AUTS2: variants seen among roughly 807,000 people sequenced by gnomAD.
The protein encoded by AUTS2 is activator of transcription and developmental regulator AUTS2, also known as autism susceptibility gene 2 protein.
AUTS2 carries 17 observed loss-of-function variants against 112.4 expected under a neutral mutation model. The observed-to-expected ratio is 0.15, with a 90% CI of 0.10 to 0.23. The LOEUF (loss-of-function observed/expected upper bound fraction) is 0.23, where lower values mean the gene tolerates loss of function less well. Ranked by LOEUF, AUTS2 falls within the 10% of genes least tolerant of loss-of-function variation. The pLI, the probability that AUTS2 is intolerant of heterozygous loss-of-function variation, is 1.00. For missense variants in AUTS2, 1,510 were observed against 1,701.6 expected, an observed-to-expected ratio of 0.89 and a Z score of 1.98; for synonymous variants, 751 against 702.7, an observed-to-expected ratio of 1.07 and a Z score of -1.09.
intron 5 of AUTS2, among the ~76,000 whole-genome samples, chr7:70,668,084 G>T (rs1807439762): frequency 6.6e-6 from 1 of 152,190 alleles, no homozygotes; most frequent in Admixed American, 6.5e-5. Flanking sequence ...CGTCCAAGTG[G>T]TTGTCCTGCC....
intron 1 of AUTS2, among the ~76,000 whole-genome samples, chr7:69,789,830 C>A (rs1034866084): frequency 1.5e-4 from 23 of 152,200 alleles, no homozygotes; most frequent in African/African-American, 5.5e-4. Context: ...TCTCTAGTTC[C>A]CTTCTGGAAG....
At chr7:69,830,795 C>G (rs1480172071) in intron 1 of AUTS2, among the ~76,000 whole-genome samples, 1 of 152,148 alleles carries the variant, frequency 6.6e-6, no homozygotes, top group Non-Finnish European at 1.5e-5. Context: ...AGCTCATAAA[C>G]AAAAGTACTA....
intron 1 of AUTS2, among the ~76,000 whole-genome samples, chr7:69,876,183 G>A (rs899578381): frequency 1.0e-4 from 15 of 150,322 alleles, no homozygotes; most frequent in African/African-American, 3.4e-4. Flanking sequence ...TAACGAACAC[G>A]GTGAAACCCC....
intron 5 of AUTS2, among the ~76,000 whole-genome samples, chr7:70,610,143 C>A (rs777036649): frequency 6.6e-5 from 10 of 152,076 alleles, no homozygotes; most frequent in Non-Finnish European, 1.5e-4. Flanking sequence ...GGATTACAGG[C>A]ATGTGCCACT....
At chr7:69,720,322 A>G (rs1279070757) in intron 1 of AUTS2, among the ~76,000 whole-genome samples, 1 of 152,200 alleles carries the variant, frequency 6.6e-6, no homozygotes, top group Admixed American at 6.5e-5. Context: ...ATAGGCTTTC[A>G]AATTGGTGGT....
chr7:70,468,815 C>T (rs899671009), intron 5 of AUTS2, among the ~76,000 whole-genome samples: 1 of 151,708 alleles, frequency 6.6e-6, no homozygotes, highest in Non-Finnish European at 1.5e-5. Flanking sequence ...AGGCAGTTAC[C>T]AAAAGTGGAA....
chr7:69,832,032 C>T (rs1329551247), intron 1 of AUTS2, among the ~76,000 whole-genome samples: 2 of 152,106 alleles, frequency 1.3e-5, no homozygotes, highest in Admixed American at 6.6e-5. Flanking sequence ...TCAAAATATC[C>T]TTTGAACCTA....
intron 6 of AUTS2, among the ~76,000 whole-genome samples, chr7:70,726,343 TA>T (rs34064102): frequency 0.021 from 3,057 of 148,254 alleles, 94 homozygotes; most frequent in African/African-American, 0.069. Context: ...TGGCATTTCT[TA>T]AAAAAAAAAA....
intron 1 of AUTS2, among the ~76,000 whole-genome samples, chr7:69,874,382 A>G (rs752243350): frequency 2.0e-5 from 3 of 152,204 alleles, no homozygotes; most frequent in Non-Finnish European, 4.4e-5. Flanking sequence ...CAGTCATGGA[A>G]GGCTTTATTT....
At chr7:69,980,928 A>G (rs1373108810) in intron 2 of AUTS2, among the ~76,000 whole-genome samples, 1 of 152,236 alleles carries the variant, frequency 6.6e-6, no homozygotes, top group African/African-American at 2.4e-5. Flanking sequence ...CATTGACCAC[A>G]GTTGTCTATG....
intron 4 of AUTS2, among the ~76,000 whole-genome samples, chr7:70,183,833 C>CTTTTTTTTTTTTTTTTTTTTTT (rs60689973): frequency 1.4e-5 from 2 of 137,956 alleles, no homozygotes; most frequent in African/African-American, 2.7e-5. Context: ...CTGTCTTTTT[C>CTTTTTTTTTTTTTTTTTTTTTT]TTTTTTTTTT....
chr7:70,444,935 A>G (rs1796263176), intron 5 of AUTS2, among the ~76,000 whole-genome samples: 1 of 152,192 alleles, frequency 6.6e-6, no homozygotes, highest in Admixed American at 6.5e-5. Flanking sequence ...TTCCTGGTCT[A>G]AAAATATAGA....
At chr7:70,101,376 A>G (rs1427645118) in intron 2 of AUTS2, among the ~76,000 whole-genome samples, 1 of 149,334 alleles carries the variant, frequency 6.7e-6, no homozygotes, top group Non-Finnish European at 1.5e-5. Flanking sequence ...GAACTGCCAA[A>G]AAAAAAAAGA....
At chr7:70,164,103 T>C (rs1438548696) in intron 4 of AUTS2, among the ~76,000 whole-genome samples, 1 of 152,142 alleles carries the variant, frequency 6.6e-6, no homozygotes, top group Non-Finnish European at 1.5e-5. Context: ...GAAAACCTTT[T>C]TGACAGCAAA....
intron 1 of AUTS2, among the ~76,000 whole-genome samples, chr7:69,626,278 C>T (rs917854089): frequency 1.3e-5 from 2 of 152,082 alleles, no homozygotes; most frequent in Non-Finnish European, 2.9e-5. Flanking sequence ...TGCATAGTAA[C>T]AACATACCAG....
Position 69,773,594 on chromosome 7 carries a change from C to A in AUTS2, c.310-125692C>A, listed in dbSNP as rs79697716. 8.4e-3 allele frequency among the ~76,000 whole-genome samples: 1,274 copies of A among 152,226 alleles called. 14 individuals are homozygous for A. The highest frequency in any genetic ancestry group is 0.029 in the African/African-American group (1,195 of 41,542). On this transcript the variant is annotated intron_variant, in intron 1 of 18. Transcript: ENST00000342771. ...GCCAAACACCCAGGGAAAAACCACA[C>A]CCCATATCACCAACCCCTGCCAGTG...
At chr7:70,072,722 GC>G (rs1285990079) in intron 2 of AUTS2, among the ~76,000 whole-genome samples, 1 of 152,112 alleles carries the variant, frequency 6.6e-6, no homozygotes, top group African/African-American at 2.4e-5. Flanking sequence ...GAGCGTTTCT[GC>G]ATGGCTGTCA....
intron 1 of AUTS2, among the ~76,000 whole-genome samples, chr7:69,821,713 T>C (rs1199220464): frequency 6.6e-6 from 1 of 151,770 alleles, no homozygotes; most frequent in Non-Finnish European, 1.5e-5. Flanking sequence ...TTAAGAGCTG[T>C]AACATTCACC....
intron 5 of AUTS2, among the ~76,000 whole-genome samples, chr7:70,484,488 C>T (rs563129613): frequency 2.1e-3 from 318 of 152,298 alleles, no homozygotes; most frequent in South Asian, 3.1e-3. Context: ...TAGCCCCTGA[C>T]GGGAACTCAG....
Sources: allele counts gnomAD v4.1 joint callset (sites outside exome capture counted in the v4.1 genomes callset), GRCh38; gene constraint gnomAD v4.1.1; transcripts MANE v1.5; gene names NCBI Gene and HGNC (gene_info 2026-07-23, HGNC 2026-07-21).